The following KCNT2 variants were observed in gnomAD, a reference collection of about 807,000 sequenced individuals.
KCNT2 encodes potassium channel subfamily T member 2.
Under a neutral mutation model 153.8 loss-of-function variants are expected in KCNT2, and 67 were observed. That is an observed-to-expected ratio of 0.44 (90% CI 0.36 to 0.53). The LOEUF (loss-of-function observed/expected upper bound fraction) is 0.53. Ranked by LOEUF, KCNT2 falls within the 20% of genes least tolerant of loss-of-function variation. The pLI is 0.00. For synonymous variants in KCNT2, 500 were observed against 458.8 expected (o/e 1.09, Z -1.15); for missense variants, 975 against 1,354.8 (o/e 0.72, Z 4.40).
At chr1:196,375,333 T>C (rs555939970) in intron 13 of KCNT2, among the ~76,000 whole-genome samples, 1 of 151,972 alleles carries the variant, frequency 6.6e-6, no homozygotes, top group Non-Finnish European at 1.5e-5. Flanking sequence ...AATAAGTATA[T>C]GTACTACCAT....
intron 1 of KCNT2, among the ~76,000 whole-genome samples, chr1:196,576,822 ACAAT>A (rs1409482041): frequency 2.6e-5 from 4 of 152,120 alleles, no homozygotes; most frequent in African/African-American, 9.7e-5. Flanking sequence ...CATTCATAGA[ACAAT>A]CAATCCAATC....
intron 1 of KCNT2, among the ~76,000 whole-genome samples, chr1:196,585,481 G>A (rs566519474): frequency 2.0e-5 from 3 of 151,934 alleles, no homozygotes; most frequent in Non-Finnish European, 4.4e-5. Context: ...TAATACTAAT[G>A]AATTCTCTTT....
intron 1 of KCNT2, among the ~76,000 whole-genome samples, chr1:196,556,018 C>T (rs1228341375): frequency 6.6e-6 from 1 of 151,348 alleles, no homozygotes; most frequent in African/African-American, 2.4e-5. Context: ...GAATTAAAGA[C>T]TTAAATCTAA....
At chr1:196,431,262 TG>T (rs1674123769) in intron 8 of KCNT2, among the ~76,000 whole-genome samples, 1 of 152,102 alleles carries the variant, frequency 6.6e-6, no homozygotes, top group Non-Finnish European at 1.5e-5. Flanking sequence ...AAATTGACAC[TG>T]AGAAATAGGG....
At chr1:196,428,514 A>C (rs1457477031) in intron 9 of KCNT2, among the ~76,000 whole-genome samples, 1 of 152,084 alleles carries the variant, frequency 6.6e-6, no homozygotes, top group Non-Finnish European at 1.5e-5. Flanking sequence ...ACATAATAAC[A>C]GGCCACTAAG....
chr1:196,241,220 G>A (rs1022078302), intron 26 of KCNT2, among the ~76,000 whole-genome samples: 4 of 150,518 alleles, frequency 2.7e-5, no homozygotes, highest in Non-Finnish European at 4.4e-5. Flanking sequence ...TGTTTTGTTA[G>A]TACAAGAAAT....
At chr1:196,409,072 A>AC (rs1672074121) in intron 12 of KCNT2, among the ~76,000 whole-genome samples, 1 of 143,202 alleles carries the variant, frequency 7.0e-6, no homozygotes, top group African/African-American at 2.5e-5. Flanking sequence ...CACATTTAGG[A>AC]GTTTTTTTTT....
intron 26 of KCNT2, among the ~76,000 whole-genome samples, chr1:196,240,667 C>A (rs1419934749): frequency 6.6e-6 from 1 of 151,902 alleles, no homozygotes; most frequent in African/African-American, 2.4e-5. Flanking sequence ...AGGGAATGGA[C>A]TAAACTAAAG....
rs1010550573 is a variant in KCNT2 at position 196,456,941 on chromosome 1, A to G, written c.638+8352T>C. Reference sequence around the variant, plus strand: ...TGTGGATGTTAATGCATAAAGGTACAACGGTTGGTCTTAATACAAGTTTCC... The same window carrying G: ...TGTGGATGTTAATGCATAAAGGTACGACGGTTGGTCTTAATACAAGTTTCC... On this transcript the variant is annotated intron_variant, in intron 8 of 27. Transcript: ENST00000294725. Among the ~76,000 whole-genome samples, 6 of 152,000 alleles carry G rather than the reference A, an allele frequency of 3.9e-5. No homozygotes were observed. The South Asian group carries it at 6.2e-4, about 16-fold the overall frequency.
In KCNT2 at chr1:196,377,049, T is replaced by C. The variant is rs191825670; in HGVS notation, c.1295-3801A>G. On this transcript the variant is annotated intron_variant, in intron 13 of 27. Transcript: ENST00000294725. Reference sequence around the variant, plus strand: ...CATTAGAGGGAGTGAACTACAAAGATAGGAAGTGGTGGTCAGAGAAGGACA... The same window carrying C: ...CATTAGAGGGAGTGAACTACAAAGACAGGAAGTGGTGGTCAGAGAAGGACA... Among the ~76,000 whole-genome samples, 9 of 151,858 alleles carry C rather than the reference T, an allele frequency of 5.9e-5. No homozygotes were observed. In the East Asian group the frequency reaches 1.7e-3, roughly 29 times the overall value.
At chr1:196,603,307 G>A (rs183915298) in intron 1 of KCNT2, among the ~76,000 whole-genome samples, 22 of 152,030 alleles carry the variant, frequency 1.4e-4, no homozygotes, top group Non-Finnish European at 2.8e-4. Flanking sequence ...CATTTTAATG[G>A]CGCTCAAAAA....
chr1:196,366,684 A>G (rs971934515), intron 14 of KCNT2, among the ~76,000 whole-genome samples: 6 of 152,030 alleles, frequency 3.9e-5, no homozygotes, highest in Admixed American at 2.6e-4. Context: ...GCCCTTCCCT[A>G]CTTAATTTTT....
At chr1:196,579,304 T>A (rs1382260419) in intron 1 of KCNT2, among the ~76,000 whole-genome samples, 1 of 151,758 alleles carries the variant, frequency 6.6e-6, no homozygotes, top group Non-Finnish European at 1.5e-5. Context: ...AAGGGAACAA[T>A]AAACCCTGGG....
intron 1 of KCNT2, among the ~76,000 whole-genome samples, chr1:196,571,082 A>G (rs1660726439): frequency 6.6e-6 from 1 of 152,108 alleles, no homozygotes; most frequent in Non-Finnish European, 1.5e-5. Context: ...ATCTTTACTT[A>G]TTTTGTATGA....
At chr1:196,261,033 T>TTG (rs1225561286) in intron 25 of KCNT2, among the ~76,000 whole-genome samples, 2 of 151,254 alleles carry the variant, frequency 1.3e-5, no homozygotes, top group Non-Finnish European at 1.5e-5. Flanking sequence ...GTGTGTGTGT[T>TTG]TGTGTGTGTG....
chr1:196,365,317 A>ATTTCCTCCACATACAC (rs570027915), intron 14 of KCNT2, among the ~76,000 whole-genome samples: 7,544 of 152,040 alleles, frequency 0.05, 286 homozygotes, highest in Non-Finnish European at 0.072. Flanking sequence ...TATATTGTTC[A>ATTTCCTCCACATACAC]TTTCAAATGG....
chr1:196,425,093 T>C (rs540057056), intron 11 of KCNT2, among the ~76,000 whole-genome samples: 43 of 152,088 alleles, frequency 2.8e-4, no homozygotes, highest in Non-Finnish European at 6.0e-4. Context: ...GCAGAAAATA[T>C]TGAGCAAAAC....
chr1:196,316,167 T>C, intron 20 of KCNT2, 141 bp from the exon 21 acceptor site: 1 of 476,690 alleles, frequency 2.1e-6, no homozygotes, highest in Non-Finnish European at 3.7e-6. Flanking sequence ...AGGTAGCTAT[T>C]AAAGGGAATT....
chr1:196,484,592 T>C (rs1330591941), intron 3 of KCNT2, among the ~76,000 whole-genome samples: 2 of 152,144 alleles, frequency 1.3e-5, no homozygotes, highest in South Asian at 4.1e-4. Context: ...TGTCATGAAG[T>C]CTTTGCCCAT....
Sources: gnomAD v4.1 joint callset for allele counts (sites outside exome capture counted in the v4.1 genomes callset) on GRCh38, gnomAD v4.1.1 for gene constraint, MANE v1.5 for transcripts, NCBI Gene and HGNC (gene_info 2026-07-23, HGNC 2026-07-21) for gene names.